ADAMTS2: variants seen among roughly 807,000 people sequenced by gnomAD.
The protein encoded by ADAMTS2 is A disintegrin and metalloproteinase with thrombospondin motifs 2.
A neutral mutation model predicts 123.0 loss-of-function variants in ADAMTS2; 50 were observed. That is an observed-to-expected ratio of 0.41 (90% CI 0.32 to 0.51). ADAMTS2 has a LOEUF of 0.51. Ranked by LOEUF, ADAMTS2 falls within the 20% of genes least tolerant of loss-of-function variation. ADAMTS2 has a pLI of 0.35. For synonymous variants in ADAMTS2, 678 were observed against 695.4 expected, an observed-to-expected ratio of 0.98 and a Z score of 0.39; for missense variants, 1,494 against 1,705.2, an observed-to-expected ratio of 0.88 and a Z score of 2.18.
intron 10 of ADAMTS2, among the ~76,000 whole-genome samples, chr5:179,147,654 A>G (rs1352846058): frequency 6.6e-6 from 1 of 152,214 alleles, no homozygotes; most frequent in Non-Finnish European, 1.5e-5. Context: ...GTATTTCTGG[A>G]AGCTACTATT....
In ADAMTS2 at chr5:179,124,066, G is replaced by A. The variant is rs181450818; in HGVS notation, c.2958+907C>T. Among the ~76,000 whole-genome samples the A allele has an allele frequency of 8.5e-5, 13 of 152,330 alleles. No individual in the cohort carries two copies. In the East Asian group the frequency reaches 9.6e-4, roughly 11 times the overall value. On this transcript the variant is annotated intron_variant, in intron 19 of 21. Transcript: ENST00000251582. The stretch of plus-strand genomic sequence containing the variant: ...CTGGGAGGGGACACCGGGAGCCTGC[G>A]CCTGGATTCCTCCCAACCTCCTTGC...
intron 19 of ADAMTS2, among the ~76,000 whole-genome samples, chr5:179,123,291 C>T (rs1039639368): frequency 1.3e-5 from 2 of 152,258 alleles, no homozygotes; most frequent in South Asian, 2.1e-4. Context: ...GGAGCAGTCA[C>T]GCCCAGCCTT....
At position 179,197,388 on chromosome 5, in the gene ADAMTS2, CA is replaced by C. The variant is rs1280239837; in HGVS notation, c.891+10124del. On this transcript the variant is annotated intron_variant, in intron 4 of 21. Coordinates refer to ENST00000251582, the MANE Select transcript of ADAMTS2 (RefSeq NM_014244.5). The surrounding 1 kb of genome is among the most constrained non-coding windows in gnomAD (Gnocchi z 4.2). ...ACAAAGGAAGCTTCAGCCTTGGGCC[CA>C]AGCTTTATATTTCTTGAAGTCTTGG... 6.6e-6 allele frequency among the ~76,000 whole-genome samples: 1 copy of C among 152,144 alleles called. No individual in the cohort carries two copies. The highest frequency in any genetic ancestry group is 1.9e-4 in the East Asian group (1 of 5,200).
intron 2 of ADAMTS2, among the ~76,000 whole-genome samples, chr5:179,326,106 ACT>A (rs373949134): frequency 1.9e-4 from 29 of 151,060 alleles, no homozygotes; most frequent in African/African-American, 7.1e-4. Context: ...CCGCCACGAG[ACT>A]CTTCTCCCAT....
At chr5:179,248,113 G>T (rs943374468) in intron 3 of ADAMTS2, among the ~76,000 whole-genome samples, 1 of 152,124 alleles carries the variant, frequency 6.6e-6, no homozygotes, top group South Asian at 2.1e-4. Flanking sequence ...AGCTGTATAG[G>T]AGCAAAGCAT....
rs1764093040 is a variant in ADAMTS2, at chr5:179,183,357, G to A, written c.892-2202C>T. Among the ~76,000 whole-genome samples the A allele has an allele frequency of 4.6e-5, 7 of 152,360 alleles. No individual in the cohort carries two copies. The South Asian group carries it at 1.5e-3, about 32-fold the overall frequency. ...ACTGCAGCTGAAGGGAGCAGAATAG[G>A]AGAGAGGAGAAAGGCCAGGGATGAG... is the stretch of plus-strand genomic sequence containing the variant. On this transcript the variant is annotated intron_variant, in intron 4 of 21. Transcript: ENST00000251582.
At chr5:179,216,161 G>A (rs1010111200) in intron 3 of ADAMTS2, among the ~76,000 whole-genome samples, 3 of 152,240 alleles carry the variant, frequency 2.0e-5, no homozygotes. Context: ...GAGGCCCATG[G>A]AGGGTGGCGA....
At chr5:179,207,480 G>GCCCCCCCCCCCCCCCC in intron 4 of ADAMTS2, 33 bp downstream of exon 4, 1 of 454,418 alleles carries the variant, frequency 2.2e-6, no homozygotes, top group Non-Finnish European at 3.8e-6. Context: ...GACCCTCCCC[G>GCCCCCCCCCCCCCCCC]CCCCACCCTG....
At chr5:179,333,141 A>G (rs934284654) in intron 2 of ADAMTS2, among the ~76,000 whole-genome samples, 4 of 152,194 alleles carry the variant, frequency 2.6e-5, no homozygotes, top group African/African-American at 9.7e-5. Context: ...AGCTTCCCGC[A>G]TCCCAAGCCG....
chr5:179,226,124 G>T (rs990261940), intron 3 of ADAMTS2, among the ~76,000 whole-genome samples: 1 of 152,196 alleles, frequency 6.6e-6, no homozygotes, highest in African/African-American at 2.4e-5. Flanking sequence ...AGGAGGACAA[G>T]AGAACTTCTC....
chr5:179,157,525 T>C (rs1463639200), intron 6 of ADAMTS2, among the ~76,000 whole-genome samples: 1 of 151,624 alleles, frequency 6.6e-6, no homozygotes, highest in Non-Finnish European at 1.5e-5. Flanking sequence ...TTCCTTTTTT[T>C]TTTTTCTTGT....
intron 2 of ADAMTS2, among the ~76,000 whole-genome samples, chr5:179,295,749 C>T (rs925428027): frequency 2.6e-5 from 4 of 152,148 alleles, no homozygotes; most frequent in African/African-American, 9.7e-5. Flanking sequence ...GGGGCAGTCC[C>T]GCAAGTGAGA....
chr5:179,212,989 C>T (rs182052808), intron 3 of ADAMTS2, among the ~76,000 whole-genome samples: 7 of 152,274 alleles, frequency 4.6e-5, no homozygotes, highest in African/African-American at 7.2e-5. Context: ...GAAGGGAGCC[C>T]GCTGCCTCCC....
rs1447728734 is a variant in ADAMTS2, at chr5:179,314,089, C to G, written c.534+29678G>C. Among the ~76,000 whole-genome samples the G allele has an allele frequency of 6.6e-6, 1 of 152,240 alleles. No individual in the cohort carries two copies. The highest frequency in any genetic ancestry group is 1.5e-5 in the Non-Finnish European group (1 of 68,030). On this transcript the variant is annotated intron_variant, in intron 2 of 21. Coordinates refer to ENST00000251582, the MANE Select transcript of ADAMTS2 (RefSeq NM_014244.5). This position sits in a 1 kb window ranked among gnomAD's most constrained non-coding sequence, Gnocchi z 4.5. ...GGGGGTTCCTCACACACCCCACACC[C>G]CTGCCTATGCCCAGACCTCCAGCTT...
intron 10 of ADAMTS2, among the ~76,000 whole-genome samples, chr5:179,147,118 T>G (rs1025264049): frequency 1.3e-5 from 2 of 152,236 alleles, no homozygotes; most frequent in Non-Finnish European, 2.9e-5. Context: ...AGATGGAGTC[T>G]CACTCTGTCG....
chr5:179,191,945 G>C (rs1043830133), intron 4 of ADAMTS2, among the ~76,000 whole-genome samples: 1 of 152,212 alleles, frequency 6.6e-6, no homozygotes, highest in Admixed American at 6.5e-5. Context: ...AGCTGGCACT[G>C]GCTGGCAGAG....
Position 179,207,682 on chromosome 5 carries a change from C to G in ADAMTS2, c.722G>C (p.Arg241Pro), listed in dbSNP as rs11750821. Residue 241 changes from arginine (R) to proline (P), a missense_variant, in exon 4 of 22, where the codon CGC (arginine) becomes CCC (proline). By Grantham distance (103) the Arg-to-Pro change is moderately radical. Around this residue, in one of 6 missense-constraint regions of ADAMTS2, gnomAD observed 184 missense variants for 152.1 expected, o/e 1.21. Transcript: ENST00000251582. ...GTGCTCCTCTAGGACGCCCAGGGCG[C>G]GGCTGAGGCTGTCCAGGCTGTCCAG... The part of the protein sequence containing the change: ...ASLDSLDSLS[R>P]ALGVLEEHAN... The G allele has an allele frequency of 6.2e-7, 1 of 1,612,694 alleles. No homozygotes were observed. Among genetic ancestry groups the G allele is most frequent in the Admixed American group, 1.7e-5 (1 of 60,010 alleles).
intron 2 of ADAMTS2, among the ~76,000 whole-genome samples, chr5:179,305,521 A>C (rs1000350447): frequency 6.6e-6 from 1 of 152,222 alleles, no homozygotes; most frequent in Non-Finnish European, 1.5e-5. Context: ...AGTAAACACT[A>C]TACAAAGATA....
intron 2 of ADAMTS2, among the ~76,000 whole-genome samples, chr5:179,335,398 C>A (rs1282753925): frequency 6.6e-6 from 1 of 152,164 alleles, no homozygotes; most frequent in Non-Finnish European, 1.5e-5. Flanking sequence ...GGGTACCTCT[C>A]AATTCAGACC....
Sources: allele counts gnomAD v4.1 joint callset (sites outside exome capture counted in the v4.1 genomes callset), GRCh38; gene constraint gnomAD v4.1.1; regional missense constraint gnomAD v4.1.1; non-coding constraint Gnocchi (gnomAD v3.1); transcripts MANE v1.5; gene names NCBI Gene and HGNC (gene_info 2026-07-23, HGNC 2026-07-21).